The following METTL25 variants were observed in gnomAD, a reference collection of about 807,000 sequenced individuals.
METTL25 encodes the protein probable methyltransferase-like protein 25.
A neutral mutation model predicts 71.6 loss-of-function variants in METTL25; 64 were observed. That is an observed-to-expected ratio of 0.89 (90% confidence interval 0.73 to 1.10). The LOEUF is 1.10. METTL25 is among the 50% of genes least tolerant of loss of function. The pLI, the probability that METTL25 is intolerant of heterozygous loss-of-function variation, is 0.00. For synonymous variants in METTL25, 287 were observed against 250.3 expected (o/e 1.15, Z -1.38); for missense variants, 807 against 707.0 (o/e 1.14, Z -1.60).
intron 3 of METTL25, among the ~76,000 whole-genome samples, chr12:82,395,521 G>A (rs1172552182): frequency 6.6e-6 from 1 of 152,086 alleles, no homozygotes; most frequent in Admixed American, 6.6e-5. Flanking sequence ...AAGGAGTCCT[G>A]TTCTTTACCT....
Position 82,389,736 on chromosome 12 carries a change from C to CA in METTL25, c.425-74dup, listed in dbSNP as rs1885392257. The CA allele has an allele frequency of 4.8e-6, 4 of 837,996 alleles. No individual in the cohort carries two copies. In the Admixed American group the frequency reaches 8.6e-5, roughly 18 times the overall value. The allele number at this position is 837,996 out of a possible 1,614,324, so 51.9% of individuals were successfully genotyped here. A position where few individuals can be genotyped will look rare whatever the true frequency, so the allele number is the denominator to read the frequency against. ...TCTGTATTATTTTCCTACTTAATTT[C>CA]AAAAAATATGAACATCTAACTGATA... On this transcript the variant is annotated intron_variant, in intron 2 of 11. Transcript: ENST00000248306.
At chr12:82,472,006 T>C (rs1892598579) in intron 9 of METTL25, among the ~76,000 whole-genome samples, 2 of 152,216 alleles carry the variant, frequency 1.3e-5, no homozygotes, top group South Asian at 4.1e-4. Flanking sequence ...ATAAATATAT[T>C]AATCTTATAG....
At chr12:82,442,125 T>C (rs1274255988) in intron 8 of METTL25, among the ~76,000 whole-genome samples, 4 of 152,008 alleles carry the variant, frequency 2.6e-5, no homozygotes, top group African/African-American at 9.7e-5. Flanking sequence ...GAAGGCCTAG[T>C]AGAGAGTTAG....
chr12:82,471,922 A>T (rs974115490), intron 9 of METTL25, among the ~76,000 whole-genome samples: 2 of 152,196 alleles, frequency 1.3e-5, no homozygotes, highest in Non-Finnish European at 2.9e-5. Flanking sequence ...CACCGTAAAA[A>T]ATTGTCAATA....
intron 9 of METTL25, among the ~76,000 whole-genome samples, chr12:82,469,919 G>C (rs765889501): frequency 2.6e-5 from 4 of 152,160 alleles, no homozygotes; most frequent in Admixed American, 1.3e-4. Flanking sequence ...AAAACTCTGT[G>C]TAGTCAGCCT....
chr12:82,454,331 A>G (rs1338173840), intron 8 of METTL25, among the ~76,000 whole-genome samples: 3 of 152,032 alleles, frequency 2.0e-5, no homozygotes, highest in Non-Finnish European at 2.9e-5. Context: ...AGAGGGATTG[A>G]GAGTATAGTG....
intron 7 of METTL25, among the ~76,000 whole-genome samples, chr12:82,437,169 G>C (rs937631021): frequency 2.0e-5 from 3 of 151,562 alleles, no homozygotes; most frequent in Non-Finnish European, 4.4e-5. Context: ...GTTAAGTTTT[G>C]AAATCCATCG....
intron 4 of METTL25, among the ~76,000 whole-genome samples, chr12:82,402,086 A>G (rs1886674025): frequency 6.6e-6 from 1 of 152,050 alleles, no homozygotes; most frequent in African/African-American, 2.4e-5. Context: ...ATTTGTACTC[A>G]TTGTGTATGT....
At chr12:82,467,383 A>G (rs895242282) in intron 9 of METTL25, among the ~76,000 whole-genome samples, 10 of 151,752 alleles carry the variant, frequency 6.6e-5, no homozygotes, top group Non-Finnish European at 1.5e-5. Context: ...TATAGTTTTC[A>G]TGCTTTGATA....
chr12:82,381,214 T>G (rs1436303686), intron 1 of METTL25, among the ~76,000 whole-genome samples: 3 of 152,204 alleles, frequency 2.0e-5, no homozygotes, highest in East Asian at 1.9e-4. Context: ...AAATTTCTAT[T>G]TCTTTGCATA....
intron 3 of METTL25, among the ~76,000 whole-genome samples, chr12:82,390,491 T>G (rs976084108): frequency 1.3e-5 from 2 of 152,100 alleles, no homozygotes; most frequent in African/African-American, 4.8e-5. Flanking sequence ...ATAAAAATAG[T>G]AAGTTATTTT....
chr12:82,436,144 T>C (rs921024800), intron 7 of METTL25, among the ~76,000 whole-genome samples: 3 of 151,458 alleles, frequency 2.0e-5, no homozygotes, highest in African/African-American at 7.3e-5. Flanking sequence ...TGTTTGCTCA[T>C]ACTTACACTC....
intron 8 of METTL25, among the ~76,000 whole-genome samples, chr12:82,445,192 A>G (rs1890651543): frequency 1.3e-5 from 2 of 152,192 alleles, no homozygotes; most frequent in Admixed American, 1.3e-4. Context: ...TAGCCTAAAA[A>G]TATCAACAAA....
chr12:82,413,341 A>G (rs1383352304), intron 5 of METTL25, among the ~76,000 whole-genome samples: 2 of 152,100 alleles, frequency 1.3e-5, no homozygotes, highest in Non-Finnish European at 2.9e-5. Flanking sequence ...CCACTTTGCT[A>G]GATACTGAAG....
At chr12:82,389,608 T>C (rs7969953) in intron 2 of METTL25, among the ~76,000 whole-genome samples, 143,643 of 152,082 alleles carry the variant, frequency 0.94, 67,902 homozygotes, top group East Asian at 1. Context: ...TGTTACGGAA[T>C]AGTTTTAATG....
chr12:82,472,803 C>T (rs989385089), intron 9 of METTL25, among the ~76,000 whole-genome samples: 27 of 152,026 alleles, frequency 1.8e-4, no homozygotes, highest in Admixed American at 1.6e-3. Context: ...TTTTCTCTGG[C>T]ATTTTGTGTC....
intron 1 of METTL25, among the ~76,000 whole-genome samples, chr12:82,383,828 G>T (rs1884694153): frequency 6.7e-6 from 1 of 150,148 alleles, no homozygotes; most frequent in African/African-American, 2.5e-5. Flanking sequence ...TTCTATCTTT[G>T]TCCTTGTACA....
chr12:82,367,259 C>T (rs981579347), intron 1 of METTL25, among the ~76,000 whole-genome samples: 2 of 152,046 alleles, frequency 1.3e-5, no homozygotes, highest in African/African-American at 4.8e-5. Flanking sequence ...TGCCTCTATT[C>T]GTTTGGATTT....
chr12:82,432,837 A>C (rs1477036085), intron 6 of METTL25, among the ~76,000 whole-genome samples: 1 of 148,676 alleles, frequency 6.7e-6, no homozygotes. Context: ...TTTTTGAAAA[A>C]TATTCAAATC....
Sources: gnomAD v4.1 joint callset for allele counts (sites outside exome capture counted in the v4.1 genomes callset) on GRCh38, gnomAD v4.1.1 for gene constraint, MANE v1.5 for transcripts, NCBI Gene and HGNC (gene_info 2026-07-23, HGNC 2026-07-21) for gene names.